RPS6KA5: variants seen among roughly 807,000 people sequenced by gnomAD.
RPS6KA5 encodes ribosomal protein S6 kinase alpha-5.
In RPS6KA5, 27 loss-of-function variants were observed where a neutral mutation model predicts 85.5. The observed-to-expected ratio is 0.32, with a 90% CI of 0.23 to 0.44. The LOEUF (loss-of-function observed/expected upper bound fraction) is 0.44. RPS6KA5 is among the 20% of genes least tolerant of loss of function. The probability of loss-of-function intolerance (pLI) is 1.00; values close to 1 mark genes in which losing one functional copy is unlikely to be tolerated. For synonymous variants in RPS6KA5, 334 were observed against 348.2 expected (o/e 0.96, Z 0.46); for missense variants, 811 against 980.9 (o/e 0.83, Z 2.31).
intron 2 of RPS6KA5, among the ~76,000 whole-genome samples, chr14:91,000,272 T>C (rs1407963548): frequency 6.6e-6 from 1 of 152,208 alleles, no homozygotes; most frequent in Non-Finnish European, 1.5e-5. Flanking sequence ...TAAATAAAAG[T>C]AGATCATTTT....
At chr14:90,914,774 G>A (rs561193786) in intron 7 of RPS6KA5, among the ~76,000 whole-genome samples, 1 of 152,312 alleles carries the variant, frequency 6.6e-6, no homozygotes, top group Non-Finnish European at 1.5e-5. Flanking sequence ...AGGAGTATAA[G>A]TGCCAAGGGA....
chr14:90,920,119 A>T, intron 7 of RPS6KA5, 87 bp downstream of exon 7: 1 of 879,860 alleles, frequency 1.1e-6, no homozygotes, highest in East Asian at 2.4e-5. Flanking sequence ...CATTTTAAAA[A>T]ATTATCGTTT....
At chr14:90,890,096 T>C (rs2034466504) in intron 14 of RPS6KA5, among the ~76,000 whole-genome samples, 1 of 152,242 alleles carries the variant, frequency 6.6e-6, no homozygotes, top group African/African-American at 2.4e-5. Context: ...TTAGCTTAAA[T>C]GGTATTCTGT....
intron 3 of RPS6KA5, among the ~76,000 whole-genome samples, chr14:90,965,187 C>T (rs1339392865): frequency 1.3e-5 from 2 of 152,030 alleles, no homozygotes; most frequent in African/African-American, 2.4e-5. Flanking sequence ...CAGGTCGAGA[C>T]CAGCCTGGCC....
At chr14:90,937,600 C>T (rs1566764270) in intron 5 of RPS6KA5, among the ~76,000 whole-genome samples, 1 of 152,008 alleles carries the variant, frequency 6.6e-6, no homozygotes, top group African/African-American at 2.4e-5. Flanking sequence ...GGGAAATTCA[C>T]AAAAGAAAGA....
At chr14:91,007,287 G>GT (rs2041062477) in intron 1 of RPS6KA5, among the ~76,000 whole-genome samples, 1 of 152,120 alleles carries the variant, frequency 6.6e-6, no homozygotes, top group South Asian at 2.1e-4. Context: ...ACAACAAAGA[G>GT]TATCAACAAA....
intron 5 of RPS6KA5, among the ~76,000 whole-genome samples, chr14:90,935,153 T>C (rs986643325): frequency 5.9e-5 from 9 of 152,316 alleles, no homozygotes; most frequent in Admixed American, 5.9e-4. Flanking sequence ...TTAGGTTATC[T>C]GATTCTCAAT....
chr14:90,884,767 T>A (rs938222587), intron 14 of RPS6KA5, among the ~76,000 whole-genome samples: 2 of 152,208 alleles, frequency 1.3e-5, no homozygotes, highest in South Asian at 4.1e-4. Context: ...TTTTGAATCA[T>A]GCTGTTATAT....
chr14:90,934,133 TGTAAAG>T (rs1286718411), intron 5 of RPS6KA5, among the ~76,000 whole-genome samples: 1 of 152,178 alleles, frequency 6.6e-6, no homozygotes, highest in Non-Finnish European at 1.5e-5. Context: ...TGCCTCCCCG[TGTAAAG>T]GAAGAATTTG....
At chr14:90,963,045 C>T (rs1377635551) in intron 3 of RPS6KA5, among the ~76,000 whole-genome samples, 1 of 152,134 alleles carries the variant, frequency 6.6e-6, no homozygotes, top group African/African-American at 2.4e-5. Flanking sequence ...TTTGTGGCTA[C>T]TTTTTTCCAG....
chr14:90,999,240 AAC>A (rs2040669925), intron 2 of RPS6KA5, among the ~76,000 whole-genome samples: 1 of 152,032 alleles, frequency 6.6e-6, no homozygotes, highest in Non-Finnish European at 1.5e-5. Flanking sequence ...CAAAAAAACA[AAC>A]AGACATGAAG....
intron 2 of RPS6KA5, among the ~76,000 whole-genome samples, chr14:90,983,817 G>GTCTCTCTGTCTCTC (rs2039929193): frequency 9.0e-6 from 1 of 111,056 alleles, no homozygotes; most frequent in Non-Finnish European, 1.8e-5. Flanking sequence ...CTCTCTCTCT[G>GTCTCTCTGTCTCTC]TCTCTCTCTC....
At position 90,867,468 on chromosome 14, in the gene RPS6KA5, GCTATA is replaced by G. The variant is rs1446907452; in HGVS notation, c.*4601_*4605del. The G allele has an allele frequency of 6.6e-6, 1 of 152,054 alleles. No homozygotes were observed. The highest frequency in any genetic ancestry group is 2.4e-5 in the African/African-American group (1 of 41,418). The allele number at this position is 152,054 out of a possible 1,614,324, so 9.4% of individuals were successfully genotyped here. On this transcript the variant is annotated 3_prime_UTR_variant, in exon 17 of 17. Transcript: ENST00000614987. ...GTTTCCTGTGCTCTGAAGAACAGCT[GCTATA>G]CTAAATACTAACTTGACTTATCTGA... is the stretch of plus-strand genomic sequence containing the variant.
chr14:91,033,744 C>T (rs956036584), intron 1 of RPS6KA5, among the ~76,000 whole-genome samples: 2 of 152,094 alleles, frequency 1.3e-5, no homozygotes, highest in Non-Finnish European at 2.9e-5. Flanking sequence ...GTGTATACCT[C>T]CATGACCACT....
At chr14:91,005,362 C>T (rs967088165) in intron 1 of RPS6KA5, among the ~76,000 whole-genome samples, 8 of 152,236 alleles carry the variant, frequency 5.3e-5, no homozygotes, top group Non-Finnish European at 1.2e-4. Flanking sequence ...ATAGGCCCAT[C>T]TCAGAGCTCT....
At position 90,984,215 on chromosome 14, in the gene RPS6KA5, G is replaced by T. The variant is rs565567394; in HGVS notation, c.176-5691C>A. 2.0e-5 allele frequency among the ~76,000 whole-genome samples: 3 copies of T among 152,306 alleles called. No homozygotes were observed. The East Asian group carries it at 5.8e-4, about 29-fold the overall frequency. The stretch of plus-strand genomic sequence containing the variant: ...GTGTTTGACTGAACTTGAGGTAGAG[G>T]TTCTACTTTTTGAGACTGAGGGAAA... On this transcript the variant is annotated intron_variant, in intron 2 of 16. Coordinates refer to ENST00000614987, the MANE Select transcript of RPS6KA5 (RefSeq NM_004755.4).
chr14:91,031,659 A>G (rs909079654), intron 1 of RPS6KA5, among the ~76,000 whole-genome samples: 2 of 152,178 alleles, frequency 1.3e-5, no homozygotes, highest in African/African-American at 4.8e-5. Flanking sequence ...AAAGAAAGCT[A>G]AGTGAATGAA....
intron 1 of RPS6KA5, among the ~76,000 whole-genome samples, chr14:91,025,055 T>C (rs2041935576): frequency 6.6e-6 from 1 of 151,932 alleles, no homozygotes; most frequent in East Asian, 1.9e-4. Flanking sequence ...TAACTTTTTT[T>C]TTTAGGGGGG....
At position 90,869,627 on chromosome 14, in the gene RPS6KA5, C is replaced by T. The variant is rs752072231; in HGVS notation, c.*2447G>A. ...TTCTTAGATCTTCTTCTATTTTACT[C>T]TTAATACCAAAAAAAGAGTCCTATC... On this transcript the variant is annotated 3_prime_UTR_variant, in exon 17 of 17. Coordinates refer to ENST00000614987, the MANE Select transcript of RPS6KA5 (RefSeq NM_004755.4). 2 of 152,036 alleles carry T rather than the reference C, an allele frequency of 1.3e-5. No individual in the cohort carries two copies. Among genetic ancestry groups the T allele is most frequent in the African/African-American group, 2.4e-5 (1 of 41,410 alleles). 9.4% of individuals were successfully genotyped at this position (152,036 alleles called of 1,614,324 possible).
Sources: allele counts gnomAD v4.1 joint callset (sites outside exome capture counted in the v4.1 genomes callset), GRCh38; gene constraint gnomAD v4.1.1; transcripts MANE v1.5; gene names NCBI Gene and HGNC (gene_info 2026-07-23, HGNC 2026-07-21).